NAV2: variants seen among roughly 807,000 people sequenced by gnomAD.
NAV2 encodes neuron navigator 2.
NAV2 carries 54 observed loss-of-function variants against 223.2 expected under a neutral mutation model. The observed-to-expected ratio is 0.24, with a 90% CI of 0.19 to 0.30. The LOEUF (loss-of-function observed/expected upper bound fraction) is 0.30. Ranked by LOEUF, NAV2 falls within the 10% of genes least tolerant of loss-of-function variation. NAV2 has a pLI of 1.00. For synonymous variants in NAV2, 1,279 were observed against 1,239.3 expected (o/e 1.03, Z -0.67); for missense variants, 2,806 against 3,147.5 (o/e 0.89, Z 2.60).
At chr11:20,050,287 C>T (rs2057853475) in intron 16 of NAV2, among the ~76,000 whole-genome samples, 1 of 152,180 alleles carries the variant, frequency 6.6e-6, no homozygotes, top group South Asian at 2.1e-4. Context: ...CACTGTGTAG[C>T]TTGGCCCTCA....
chr11:19,377,683 A>T (rs902203594), intron 1 of NAV2, among the ~76,000 whole-genome samples: 1 of 105,426 alleles, frequency 9.5e-6, no homozygotes, highest in Non-Finnish European at 2.1e-5. Context: ...CTGAATGGGT[A>T]TTCAGAATCA....
intron 11 of NAV2, among the ~76,000 whole-genome samples, chr11:19,994,959 T>A (rs931998354): frequency 1.3e-5 from 2 of 152,158 alleles, no homozygotes; most frequent in Non-Finnish European, 2.9e-5. Context: ...GGGGGTAAGG[T>A]CATCTCTTGG....
chr11:19,839,685 A>C (rs1321927484), intron 2 of NAV2, among the ~76,000 whole-genome samples: 2 of 152,222 alleles, frequency 1.3e-5, no homozygotes, highest in Non-Finnish European at 2.9e-5. Flanking sequence ...CTATGTTGAA[A>C]TGTTCTGAAT....
chr11:19,435,821 T>C (rs1851195823), intron 1 of NAV2, among the ~76,000 whole-genome samples: 2 of 152,214 alleles, frequency 1.3e-5, no homozygotes, highest in African/African-American at 4.8e-5. Context: ...TTGCTGATGA[T>C]TGAGATGTTG....
At chr11:19,774,253 T>C (rs1457350465) in intron 1 of NAV2, among the ~76,000 whole-genome samples, 1 of 152,230 alleles carries the variant, frequency 6.6e-6, no homozygotes, top group African/African-American at 2.4e-5. Context: ...CATAGCTCAT[T>C]GCAGCCTTGA....
At chr11:19,877,471 T>TTTTTTTTTTTTTTTCTTTTTTCTTTTC (rs2062914731) in intron 4 of NAV2, among the ~76,000 whole-genome samples, 1 of 105,404 alleles carries the variant, frequency 9.5e-6, no homozygotes, top group African/African-American at 3.9e-5. Context: ...ATCTTCATTC[T>TTTTTTTTTTTTTTTCTTTTTTCTTTTC]TTTTTTTTTT....
chr11:19,900,279 A>AT (rs2042340763), intron 6 of NAV2, among the ~76,000 whole-genome samples: 8 of 57,688 alleles, frequency 1.4e-4, no homozygotes, highest in Non-Finnish European at 5.6e-4. Flanking sequence ...AGGAATAAAC[A>AT]AGAAGTTGTA....
intron 10 of NAV2, among the ~76,000 whole-genome samples, chr11:19,952,049 A>G (rs900884706): frequency 2.0e-5 from 3 of 152,248 alleles, no homozygotes; most frequent in African/African-American, 7.2e-5. Flanking sequence ...GTGGAAATGC[A>G]TGTGAATTTC....
intron 19 of NAV2, among the ~76,000 whole-genome samples, chr11:20,060,152 T>C (rs1293309067): frequency 6.6e-6 from 1 of 152,254 alleles, no homozygotes; most frequent in African/African-American, 2.4e-5. Context: ...TGTCAGTAAA[T>C]GTATGTATAT....
intron 1 of NAV2, among the ~76,000 whole-genome samples, chr11:19,594,149 T>A (rs4757822): frequency 5.9e-5 from 9 of 152,138 alleles, no homozygotes; most frequent in Admixed American, 3.9e-4. Context: ...ACAGTAGCTC[T>A]AGGTACCTTG....
intron 20 of NAV2, among the ~76,000 whole-genome samples, chr11:20,067,354 T>C (rs1398546127): frequency 1.3e-5 from 2 of 152,186 alleles, no homozygotes; most frequent in Middle Eastern, 3.2e-3. Context: ...AGGAGCAGTC[T>C]TCCTTGCTCC....
intron 1 of NAV2, among the ~76,000 whole-genome samples, chr11:19,437,418 T>C (rs1162901194): frequency 6.6e-6 from 1 of 152,162 alleles, no homozygotes; most frequent in African/African-American, 2.4e-5. Context: ...AGTGTTAATA[T>C]ATACAATCTG....
chr11:19,559,947 G>A (rs2045040190), intron 1 of NAV2, among the ~76,000 whole-genome samples: 1 of 152,146 alleles, frequency 6.6e-6, no homozygotes, highest in South Asian at 2.1e-4. Context: ...TGGTGTACCT[G>A]GAATCCCGAT....
At chr11:20,012,347 C>T (rs2053624595) in intron 11 of NAV2, among the ~76,000 whole-genome samples, 1 of 152,144 alleles carries the variant, frequency 6.6e-6, no homozygotes, top group Admixed American at 6.6e-5. Context: ...TACTTTTGCA[C>T]CAACCTAATA....
chr11:19,472,740 T>G lies in NAV2; in HGVS notation c.75+121713T>G, dbSNP rs902373600. Among the ~76,000 whole-genome samples, 15 of 152,274 alleles carry G rather than the reference T, an allele frequency of 9.9e-5. No homozygotes were observed. In the East Asian group the frequency reaches 2.9e-3, roughly 29 times the overall value. ...CCCCAAGGCTTGTTTCCTGGTTGAT[T>G]TAGGCGGTGCTACTAAACTGAGCGG... is the stretch of plus-strand genomic sequence containing the variant. On this transcript the variant is annotated intron_variant, in intron 1 of 37. Coordinates refer to the NAV2 transcript ENST00000360655.
intron 20 of NAV2, 80 bp from the exon 21 acceptor site, chr11:20,068,106 A>C: frequency 8.2e-7 from 1 of 1,222,476 alleles, no homozygotes. Flanking sequence ...CAACCATCTG[A>C]ATATGGTGTT....
rs182944404 is a variant in NAV2 at position 20,067,053 on chromosome 11, G to A, written c.4885-1133G>A. Among the ~76,000 whole-genome samples the A allele has an allele frequency of 2.7e-3, 415 of 152,262 alleles. 1 individual carries two copies. The highest frequency in any genetic ancestry group is 4.3e-3 in the Non-Finnish European group (290 of 68,006). On this transcript the variant is annotated intron_variant, in intron 20 of 37. Coordinates refer to ENST00000349880, the MANE Select transcript of NAV2 (RefSeq NM_145117.5). ...AGGGTCTTATAGTTTCTGGCTAGCA[G>A]GTACCTGTGTCACCTAGACACAGAG...
chr11:19,440,121 T>A (rs1851347628), intron 1 of NAV2, among the ~76,000 whole-genome samples: 1 of 152,224 alleles, frequency 6.6e-6, no homozygotes, highest in African/African-American at 2.4e-5. Flanking sequence ...AAAATAATCT[T>A]TCAGGGCCTA....
chr11:19,934,007 G>A lies in NAV2; in HGVS notation c.1763G>A (p.Arg588Gln), dbSNP rs546309991. ...CCAGCGCCTTCCAAGGAAGGGGAGC[G>A]GAGCCGGAGTGGGAAGCTGAGCTCA... Reference protein sequence around the residue: ...SAPAPSKEGERSRSGKLSSGL... With the variant: ...SAPAPSKEGEQSRSGKLSSGL... The change falls in exon 7 of 38, where the codon CGG becomes CAG. Residue 588 changes from arginine to glutamine, a missense_variant. Arg to Gln is a conservative substitution (Grantham distance 43). Transcript: ENST00000349880. The A allele has an allele frequency of 1.2e-4, 187 of 1,593,728 alleles. No homozygotes were observed. Among genetic ancestry groups the A allele is most frequent in the Admixed American group, 1.8e-4 (10 of 55,954 alleles).
Sources: gnomAD v4.1 joint callset for allele counts (sites outside exome capture counted in the v4.1 genomes callset) on GRCh38, gnomAD v4.1.1 for gene constraint, MANE v1.5 for transcripts, NCBI Gene and HGNC (gene_info 2026-07-23, HGNC 2026-07-21) for gene names.